The following PPP2CB variants were observed in gnomAD, a reference collection of about 807,000 sequenced individuals.
PPP2CB encodes the protein protein phosphatase 2 catalytic subunit beta.
A neutral mutation model predicts 39.1 loss-of-function variants in PPP2CB; 18 were observed. The ratio of observed to expected loss-of-function variants is 0.46; its 90% CI spans 0.32 to 0.68. The LOEUF is 0.68. Ranked by LOEUF, PPP2CB falls within the 30% of genes least tolerant of loss-of-function variation. PPP2CB has a pLI of 0.04. For missense variants in PPP2CB, 226 were observed against 396.9 expected (o/e 0.57, Z 3.66); for synonymous variants, 129 against 133.8 (o/e 0.96, Z 0.25).
At chr8:30,794,687 T>C (rs1039254562) in intron 3 of PPP2CB, among the ~76,000 whole-genome samples, 1 of 152,138 alleles carries the variant, frequency 6.6e-6, no homozygotes, top group Non-Finnish European at 1.5e-5. Context: ...AATGCAGCCA[T>C]GAACTCCTGG....
intron 1 of PPP2CB, among the ~76,000 whole-genome samples, chr8:30,803,716 T>TA (rs1381568202): frequency 6.6e-6 from 1 of 152,186 alleles, no homozygotes; most frequent in Non-Finnish European, 1.5e-5. Context: ...ACTTGCACAG[T>TA]AAAAATTATA....
At chr8:30,806,214 A>AT (rs550522092) in intron 1 of PPP2CB, among the ~76,000 whole-genome samples, 3,240 of 142,460 alleles carry the variant, frequency 0.023, 110 homozygotes, top group African/African-American at 0.075. Flanking sequence ...CGCCTGGCTG[A>AT]TTTTTTTTTT....
At chr8:30,799,065 C>G (rs1806573617) in intron 2 of PPP2CB, among the ~76,000 whole-genome samples, 1 of 152,146 alleles carries the variant, frequency 6.6e-6, no homozygotes, top group Non-Finnish European at 1.5e-5. Context: ...CTATAGGCAA[C>G]AGGCAATCAA....
chr8:30,803,151 G>A (rs538967609), intron 1 of PPP2CB, among the ~76,000 whole-genome samples: 15 of 152,070 alleles, frequency 9.9e-5, no homozygotes, highest in African/African-American at 3.4e-4. Context: ...GACTTTATAG[G>A]TATATTTAAG....
chr8:30,795,279 C>T (rs1183585393), intron 3 of PPP2CB, among the ~76,000 whole-genome samples: 2 of 152,004 alleles, frequency 1.3e-5, no homozygotes, highest in East Asian at 3.9e-4. Flanking sequence ...CCATGCCTGG[C>T]TAATTTTGTA....
In PPP2CB at chr8:30,797,706, G is replaced by A. The variant is rs774747795; in HGVS notation, c.361C>T (p.Arg121Ter). Residue 121 changes from arginine to a stop codon, truncating the protein, a stop_gained, in exon 3 of 7, where the codon CGA (arginine) becomes TGA (stop). Transcript: ENST00000221138. LOFTEE classifies it high-confidence loss of function. The part of the protein sequence containing the change: ...ITILRGNHES[R>*]QITQVYGFYD... ...AAGCCATATACTTGGGTAATTTGTC[G>A]GCTTTCGTGATTTCCTCTCAATATT... The A allele has an allele frequency of 3.1e-6, 5 of 1,613,948 alleles. No homozygotes were observed. Among genetic ancestry groups the A allele is most frequent in the Non-Finnish European group, 4.2e-6 (5 of 1,179,942 alleles).
chr8:30,791,891 CAT>C (rs1563575279), intron 5 of PPP2CB, among the ~76,000 whole-genome samples: 2 of 150,520 alleles, frequency 1.3e-5, no homozygotes, highest in African/African-American at 2.4e-5. Flanking sequence ...TATATGTATA[CAT>C]GTGTATATAC....
chr8:30,812,001 G>T (rs998963478), intron 1 of PPP2CB, among the ~76,000 whole-genome samples: 4 of 152,154 alleles, frequency 2.6e-5, no homozygotes, highest in Non-Finnish European at 5.9e-5. Context: ...GTGGAGCGCA[G>T]GCGACCCCGA....
intron 1 of PPP2CB, among the ~76,000 whole-genome samples, chr8:30,800,653 T>C (rs1353809072): frequency 1.3e-5 from 2 of 152,094 alleles, no homozygotes; most frequent in African/African-American, 4.8e-5. Flanking sequence ...TAGCAAAAGA[T>C]CCCAGAATCA....
At chr8:30,808,500 A>T (rs372248184) in intron 1 of PPP2CB, among the ~76,000 whole-genome samples, 1 of 152,164 alleles carries the variant, frequency 6.6e-6, no homozygotes, top group African/African-American at 2.4e-5. Context: ...CCAATAGAAT[A>T]AAAAAAGGTA....
chr8:30,795,692 A>G (rs1237595966), intron 3 of PPP2CB, among the ~76,000 whole-genome samples: 1 of 152,216 alleles, frequency 6.6e-6, no homozygotes, highest in Non-Finnish European at 1.5e-5. Context: ...GAATTAGCCT[A>G]TAAAACTATT....
At chr8:30,790,096 A>AT (rs1806406289) in intron 6 of PPP2CB, among the ~76,000 whole-genome samples, 1 of 152,128 alleles carries the variant, frequency 6.6e-6, no homozygotes, top group Admixed American at 6.6e-5. Flanking sequence ...TTTAATAATT[A>AT]TATCTGTAAA....
At chr8:30,805,629 T>TA (rs1181781823) in intron 1 of PPP2CB, among the ~76,000 whole-genome samples, 4 of 152,032 alleles carry the variant, frequency 2.6e-5, no homozygotes, top group South Asian at 2.1e-4. Flanking sequence ...TCCTGCATAT[T>TA]AAAAAAAATC....
At chr8:30,805,425 T>G (rs1000473796) in intron 1 of PPP2CB, among the ~76,000 whole-genome samples, 6 of 151,914 alleles carry the variant, frequency 3.9e-5, no homozygotes, top group African/African-American at 9.7e-5. Flanking sequence ...CCGGGAGTGG[T>G]GGCAGGCACC....
chr8:30,812,399 T>C lies in PPP2CB; in HGVS notation c.23A>G (p.Lys8Arg). Residue 8 changes from lysine to arginine, a missense_variant, in exon 1 of 7, where the codon AAG becomes AGG. Physicochemically the swap from Lys to Arg is conservative, Grantham distance 26. Transcript: ENST00000221138. MDDKAFT[K>R]ELDQWVEQLN... Reference sequence around the variant, plus strand: ...CTGCTCGACCCACTGGTCCAGCTCCTTGGTGAACGCCTTGTCGTCCATGGC... The same window carrying C: ...CTGCTCGACCCACTGGTCCAGCTCCCTGGTGAACGCCTTGTCGTCCATGGC... 6.5e-7 allele frequency: 1 copy of C among 1,542,130 alleles called. No individual in the cohort carries two copies. The highest frequency in any genetic ancestry group is 8.8e-7 in the Non-Finnish European group (1 of 1,139,974).
rs777467309 is a variant in PPP2CB, at chr8:30,809,076, A to AT, written c.102+3243dup. The stretch of plus-strand genomic sequence containing the variant: ...GGGAGTGCAACACTACGCCCAGCTA[A>AT]TTTTTTTTTTTTTTTTTAGTAGAGG... On this transcript the variant is annotated intron_variant, in intron 1 of 6. Transcript: ENST00000221138. 8.9e-3 allele frequency among the ~76,000 whole-genome samples: 1,241 copies of AT among 139,268 alleles called. 10 individuals carry two copies. Among genetic ancestry groups the AT allele is most frequent in the South Asian group, 0.025 (109 of 4,352 alleles). The allele number at this position is 139,268 out of a possible 152,430, so 91.4% of individuals were successfully genotyped here.
At chr8:30,802,652 G>A (rs910954780) in intron 1 of PPP2CB, among the ~76,000 whole-genome samples, 7 of 151,986 alleles carry the variant, frequency 4.6e-5, no homozygotes, top group South Asian at 2.1e-4. Context: ...GCCAATGCTC[G>A]AAATTTTAAA....
At chr8:30,812,232 G>A in intron 1 of PPP2CB, 88 bp downstream of exon 1, 3 of 1,006,534 alleles carry the variant, frequency 3.0e-6, no homozygotes, top group South Asian at 3.6e-5. Context: ...GCCGCGCCGG[G>A]CCAGGGGCGG....
At chr8:30,808,874 T>C (rs1213070868) in intron 1 of PPP2CB, among the ~76,000 whole-genome samples, 4 of 152,072 alleles carry the variant, frequency 2.6e-5, no homozygotes, top group African/African-American at 9.7e-5. Context: ...AGCCTTCCTT[T>C]AGTTAACATT....
Sources: allele counts gnomAD v4.1 joint callset (sites outside exome capture counted in the v4.1 genomes callset), GRCh38; gene constraint gnomAD v4.1.1; transcripts MANE v1.5; gene names NCBI Gene and HGNC (gene_info 2026-07-23, HGNC 2026-07-21).